Variants in KLC1 observed in about 807,000 individuals in gnomAD.
KLC1 encodes the protein kinesin light chain 1.
Under a neutral mutation model 84.2 loss-of-function variants are expected in KLC1, and 30 were observed. The ratio of observed to expected loss-of-function variants is 0.36; its 90% confidence interval spans 0.27 to 0.48. The LOEUF (loss-of-function observed/expected upper bound fraction) is 0.48, where lower values mean the gene tolerates loss of function less well. KLC1 is among the 20% of genes least tolerant of loss of function. The pLI is 0.99. For missense variants in KLC1, 499 were observed against 805.4 expected, an observed-to-expected ratio of 0.62 and a Z score of 4.60; for synonymous variants, 289 against 293.3, an observed-to-expected ratio of 0.99 and a Z score of 0.15.
rs1422690068 is a variant in KLC1 at position 103,662,625 on chromosome 14, A to G, written c.572-77A>G. The G allele has an allele frequency of 8.4e-6, 10 of 1,190,208 alleles. No individual in the cohort carries two copies. In the Admixed American group the frequency reaches 2.1e-4, roughly 25 times the overall value. 73.7% of individuals were successfully genotyped at this position (1,190,208 alleles called of 1,614,324 possible). On this transcript the variant is annotated intron_variant, in intron 4 of 16. Transcript: ENST00000334553. ...GTACTAACTTGAACCAAAGTTAGTA[A>G]AGATAATTTTAAAGAAACTGACTCA...
At chr14:103,650,887 A>G (rs2078379586) in intron 1 of KLC1, among the ~76,000 whole-genome samples, 1 of 151,730 alleles carries the variant, frequency 6.6e-6, no homozygotes, top group Admixed American at 6.6e-5. Flanking sequence ...CCGCCTGTAT[A>G]CTTTTGAATT....
At chr14:103,640,774 A>G (rs2077427954) in intron 1 of KLC1, among the ~76,000 whole-genome samples, 1 of 152,178 alleles carries the variant, frequency 6.6e-6, no homozygotes, top group African/African-American at 2.4e-5. Flanking sequence ...TAATTTTAGA[A>G]TAGTTACAGA....
chr14:103,695,640 G>A, intron 15 of KLC1: 6 of 985,408 alleles, frequency 6.1e-6, no homozygotes, highest in Non-Finnish European at 7.2e-6. Flanking sequence ...AATAAACATA[G>A]GGCTGAATAT....
intron 15 of KLC1, chr14:103,699,330 G>A (rs762286206): frequency 3.2e-6 from 5 of 1,567,962 alleles, no homozygotes; most frequent in South Asian, 2.3e-5. Flanking sequence ...CTAAAAATAC[G>A]AGCTCAGGGG....
chr14:103,693,803 C>A lies in KLC1; in HGVS notation c.1848+1378C>A. On this transcript the variant is annotated intron_variant, in intron 15 of 16. Transcript: ENST00000334553. The surrounding 1 kb of genome is among the most constrained non-coding windows in gnomAD (Gnocchi z 5.1). ...GAGGCCGTGCCTCAGCATTCTGTTA[C>A]TCGGCCTGCAGCCCCAGTGCCAGGA... 1 of 1,407,482 alleles carries A rather than the reference C, an allele frequency of 7.1e-7. No individual in the cohort carries two copies. The highest frequency in any genetic ancestry group is 9.2e-7 in the Non-Finnish European group (1 of 1,084,466). 87.2% of individuals were successfully genotyped at this position (1,407,482 alleles called of 1,614,324 possible). A position where few individuals can be genotyped will look rare whatever the true frequency, so the allele number is the denominator to read the frequency against.
At chr14:103,685,966 GTGT>G in intron 13 of KLC1, 5 of 1,117,012 alleles carry the variant, frequency 4.5e-6, no homozygotes, top group South Asian at 2.2e-5. Flanking sequence ...GTCACACAAG[GTGT>G]TGTTGCAATG....
intron 1 of KLC1, among the ~76,000 whole-genome samples, chr14:103,646,369 A>G (rs2077925873): frequency 6.6e-6 from 1 of 152,142 alleles, no homozygotes; most frequent in Admixed American, 6.6e-5. Context: ...TGGCATGATC[A>G]TAGCTCACGC....
intron 15 of KLC1, chr14:103,696,112 C>G (rs982257462): frequency 3.2e-6 from 3 of 933,958 alleles, no homozygotes; most frequent in Non-Finnish European, 3.8e-6. Flanking sequence ...CCCGCCCCCC[C>G]CCACAGCAGC....
chr14:103,631,678 A>G (rs1595184749), intron 1 of KLC1, among the ~76,000 whole-genome samples: 5 of 151,752 alleles, frequency 3.3e-5, no homozygotes, highest in Admixed American at 2.6e-4. Flanking sequence ...GCTCACTGCA[A>G]CCTCCGCCTC....
intron 15 of KLC1, chr14:103,696,101 CCCCG>C: frequency 2.5e-6 from 1 of 400,688 alleles, no homozygotes; most frequent in Non-Finnish European, 3.0e-6. Flanking sequence ...CGCCCCCGCC[CCCCG>C]CCCCCCCCCA....
intron 1 of KLC1, among the ~76,000 whole-genome samples, chr14:103,651,279 A>G (rs2078419474): frequency 6.6e-6 from 1 of 152,160 alleles, no homozygotes; most frequent in East Asian, 1.9e-4. Flanking sequence ...GAGTGCTAGG[A>G]TTACAGGCGT....
intron 1 of KLC1, among the ~76,000 whole-genome samples, chr14:103,637,409 A>G (rs535074466): frequency 1.3e-5 from 2 of 152,008 alleles, no homozygotes; most frequent in South Asian, 2.1e-4. Flanking sequence ...GTGCACCTGT[A>G]GTCCCAGCTA....
chr14:103,639,346 G>A (rs2077309811), intron 1 of KLC1, among the ~76,000 whole-genome samples: 1 of 152,116 alleles, frequency 6.6e-6, no homozygotes, highest in Non-Finnish European at 1.5e-5. Flanking sequence ...GGCCAGGCTG[G>A]TCTTGAACTC....
chr14:103,649,798 C>T (rs993918857), intron 1 of KLC1, among the ~76,000 whole-genome samples: 1 of 151,878 alleles, frequency 6.6e-6, no homozygotes, highest in African/African-American at 2.4e-5. Flanking sequence ...CGGGTTCACG[C>T]CATTCTCCTG....
intron 1 of KLC1, among the ~76,000 whole-genome samples, chr14:103,646,336 C>G (rs188541385): frequency 1.3e-5 from 2 of 151,768 alleles, no homozygotes; most frequent in African/African-American, 2.4e-5. Context: ...CTTGCTTGCT[C>G]TGTCACCTAC....
At chr14:103,637,806 G>T (rs1051124702) in intron 1 of KLC1, among the ~76,000 whole-genome samples, 2 of 152,082 alleles carry the variant, frequency 1.3e-5, no homozygotes, top group African/African-American at 4.8e-5. Context: ...TCAAGTGATC[G>T]TCCCACCTCA....
chr14:103,647,102 T>C (rs1273777815), intron 1 of KLC1, among the ~76,000 whole-genome samples: 19 of 152,232 alleles, frequency 1.2e-4, no homozygotes, highest in Non-Finnish European at 2.6e-4. Flanking sequence ...AATCCTTACC[T>C]GTCAAGTAGG....
intron 15 of KLC1, 87 bp downstream of exon 15, chr14:103,692,512 C>A: frequency 8.7e-7 from 1 of 1,147,246 alleles, no homozygotes; most frequent in Non-Finnish European, 1.3e-6. Context: ...CCCTGCTCGG[C>A]CCCTGCTCCT....
At position 103,673,175 on chromosome 14, in the gene KLC1, G is replaced by A. The variant is rs142008310; in HGVS notation, c.1149G>A (p.Thr383=). The part of the protein sequence containing the change: ...LGPDDPNVAK[T]KNNLASCYLK... Reference sequence around the variant, plus strand: ...CTGATGACCCCAACGTGGCTAAGACGAAAAATAACCTGGTGTGTTGACTGC... The same window carrying A: ...CTGATGACCCCAACGTGGCTAAGACAAAAAATAACCTGGTGTGTTGACTGC... Residue 383 remains threonine, a synonymous_variant, in exon 8 of 17, where the codon ACG becomes ACA. Transcript: ENST00000334553. 6.2e-6 allele frequency: 10 copies of A among 1,612,224 alleles called. No homozygotes were observed. Among genetic ancestry groups the A allele is most frequent in the African/African-American group, 2.7e-5 (2 of 74,686 alleles).
Sources: gnomAD v4.1 joint callset for allele counts (sites outside exome capture counted in the v4.1 genomes callset) on GRCh38, gnomAD v4.1.1 for gene constraint, Gnocchi (gnomAD v3.1) non-coding constraint, MANE v1.5 for transcripts, NCBI Gene and HGNC (gene_info 2026-07-23, HGNC 2026-07-21) for gene names.